NR3C2: variants seen among roughly 807,000 people sequenced by gnomAD.
NR3C2 encodes the protein nuclear receptor subfamily 3 group C member 2.
In NR3C2, 15 loss-of-function variants were observed where a neutral mutation model predicts 86.4. The ratio of observed to expected loss-of-function variants is 0.17; its 90% CI spans 0.12 to 0.27. The LOEUF (loss-of-function observed/expected upper bound fraction) is 0.27. NR3C2 is among the 10% of genes least tolerant of loss of function. NR3C2 has a pLI of 1.00. For synonymous variants in NR3C2, 458 were observed against 450.5 expected (o/e 1.02, Z -0.21); for missense variants, 960 against 1,195.6 (o/e 0.80, Z 2.91).
chr4:148,193,832 T>C lies in NR3C2; in HGVS notation c.2014+914A>G, dbSNP rs374326461. ...AATCTTTGAAGCATCAGCATTTATT[T>C]TGGTGTATATAGTTAAGAGCTGGTA... On this transcript the variant is annotated intron_variant, in intron 4 of 8. Transcript: ENST00000358102. Among the ~76,000 whole-genome samples, 50 of 152,312 alleles carry C rather than the reference T, an allele frequency of 3.3e-4. 1 individual carries two copies. The South Asian group carries it at 9.9e-3, about 30-fold the overall frequency.
chr4:148,101,280 A>C (rs1256878916), intron 8 of NR3C2, among the ~76,000 whole-genome samples: 1 of 152,222 alleles, frequency 6.6e-6, no homozygotes, highest in South Asian at 2.1e-4. Context: ...CTGTTGACCA[A>C]CTGTTGGTAA....
chr4:148,271,112 GAA>G (rs1458626962), intron 2 of NR3C2, among the ~76,000 whole-genome samples: 14 of 152,118 alleles, frequency 9.2e-5, no homozygotes, highest in Non-Finnish European at 2.9e-5. Context: ...GGTGAAGTTG[GAA>G]ACTGCTTCTT....
intron 4 of NR3C2, among the ~76,000 whole-genome samples, chr4:148,192,525 G>T (rs1021025336): frequency 6.6e-6 from 1 of 152,190 alleles, no homozygotes; most frequent in Non-Finnish European, 1.5e-5. Context: ...ACTGTGATGG[G>T]TGGGGCCTAA....
At position 148,114,170 on chromosome 4, in the gene NR3C2, G is replaced by A. The variant is rs1732169780; in HGVS notation, c.2733C>T (p.Pro911=). 1.9e-6 allele frequency: 3 copies of A among 1,613,870 alleles called. No homozygotes were observed. In the East Asian group the frequency reaches 6.7e-5, roughly 36 times the overall value. ...KELRKMVTKC[P]NNSGQSWQRF... ...TCTGCCAGCTCTGCCCAGAATTGTT[G>A]GGACACTTAGTTACCATCTTCCTCA... The change falls in exon 8 of 9, where the codon CCC becomes CCT. Residue 911 remains proline, a synonymous_variant. Transcript: ENST00000358102.
chr4:148,321,570 G>C (rs1743594025), intron 2 of NR3C2, among the ~76,000 whole-genome samples: 2 of 151,996 alleles, frequency 1.3e-5, no homozygotes, highest in Admixed American at 1.3e-4. Context: ...TCCTGTATTG[G>C]GTGCATATAT....
intron 2 of NR3C2, among the ~76,000 whole-genome samples, chr4:148,423,899 G>A (rs1349401337): frequency 6.6e-6 from 1 of 152,162 alleles, no homozygotes; most frequent in East Asian, 1.9e-4. Flanking sequence ...TTTTGGTAGA[G>A]ACGGGGTTTC....
intron 3 of NR3C2, among the ~76,000 whole-genome samples, chr4:148,233,103 A>G (rs1738548749): frequency 6.6e-6 from 1 of 152,198 alleles, no homozygotes; most frequent in Admixed American, 6.5e-5. Flanking sequence ...GTGAACATAC[A>G]AATTAAACCA....
chr4:148,194,959 T>C, intron 3 of NR3C2, 97 bp from the exon 4 acceptor site: 1 of 904,116 alleles, frequency 1.1e-6, no homozygotes, highest in Non-Finnish European at 1.8e-6. Flanking sequence ...CTTTCCTGCC[T>C]TGAAATCTCT....
intron 2 of NR3C2, among the ~76,000 whole-genome samples, chr4:148,405,055 T>C (rs1365440877): frequency 1.4e-5 from 2 of 146,714 alleles, no homozygotes; most frequent in African/African-American, 2.4e-5. Flanking sequence ...GATTAATTTC[T>C]AGAAAGATTT....
upstream of NR3C2, chr4:148,443,081 T>TA (rs1410999312): frequency 1.7e-6 from 1 of 599,486 alleles, no homozygotes; most frequent in Non-Finnish European, 2.1e-6. Flanking sequence ...TCTCCAGAGT[T>TA]ACCTCTCAGC....
intron 2 of NR3C2, among the ~76,000 whole-genome samples, chr4:148,327,305 G>A (rs1744020470): frequency 6.6e-6 from 1 of 152,134 alleles, no homozygotes; most frequent in Admixed American, 6.5e-5. Flanking sequence ...TTCAATTTCT[G>A]AAACATCAAA....
chr4:148,240,036 G>A (rs1205671833), intron 3 of NR3C2, among the ~76,000 whole-genome samples: 1 of 151,860 alleles, frequency 6.6e-6, no homozygotes, highest in African/African-American at 2.4e-5. Context: ...TAACAGAAGA[G>A]CACAGAAGCA....
intron 3 of NR3C2, among the ~76,000 whole-genome samples, chr4:148,241,320 A>G (rs1230978437): frequency 1.4e-5 from 2 of 146,498 alleles, no homozygotes; most frequent in African/African-American, 2.5e-5. Context: ...AAAAAAAAAA[A>G]AAAAAAAAAA....
At chr4:148,200,643 T>C (rs6854045) in intron 3 of NR3C2, among the ~76,000 whole-genome samples, 46,028 of 152,056 alleles carry the variant, frequency 0.3, 7,550 homozygotes, top group East Asian at 0.58. Context: ...TTTTCATATA[T>C]CAGTTTCCTG....
intron 3 of NR3C2, among the ~76,000 whole-genome samples, chr4:148,244,551 C>T (rs748945741): frequency 3.9e-5 from 6 of 152,076 alleles, no homozygotes; most frequent in Non-Finnish European, 5.9e-5. Flanking sequence ...TGCATAAATA[C>T]GACTGTGCAT....
chr4:148,353,659 C>A (rs146215247), intron 2 of NR3C2, among the ~76,000 whole-genome samples: 2 of 152,100 alleles, frequency 1.3e-5, no homozygotes, highest in Non-Finnish European at 2.9e-5. Context: ...GAGTAGAAAA[C>A]CATATTTTTA....
chr4:148,380,639 G>A (rs552325888), intron 2 of NR3C2, among the ~76,000 whole-genome samples: 1 of 152,272 alleles, frequency 6.6e-6, no homozygotes, highest in East Asian at 1.9e-4. Context: ...TCATCTTAGT[G>A]GGCGCGAAGT....
rs138058794 is a variant in NR3C2, at chr4:148,246,999, C to T, written c.1897+12979G>A. Among the ~76,000 whole-genome samples, 441 of 152,194 alleles carry T rather than the reference C, an allele frequency of 2.9e-3. 1 individual carries two copies. Among genetic ancestry groups the T allele is most frequent in the African/African-American group, 0.01 (432 of 41,512 alleles). On this transcript the variant is annotated intron_variant, in intron 3 of 8. Coordinates refer to ENST00000358102, the MANE Select transcript of NR3C2 (RefSeq NM_000901.5). ...ATGCCTATTAGCATTACTTTTATTA[C>T]TATTCCTTTTTAAAATGTAATGTCA...
intron 3 of NR3C2, among the ~76,000 whole-genome samples, chr4:148,242,043 G>A (rs954172339): frequency 2.6e-5 from 4 of 152,144 alleles, no homozygotes; most frequent in South Asian, 2.1e-4. Context: ...GGGCTGGGGG[G>A]AAGAGGAATT....
Sources: gnomAD v4.1 joint callset for allele counts (sites outside exome capture counted in the v4.1 genomes callset) on GRCh38, gnomAD v4.1.1 for gene constraint, MANE v1.5 for transcripts, NCBI Gene and HGNC (gene_info 2026-07-23, HGNC 2026-07-21) for gene names.